Variants in KCNIP4 observed in about 807,000 individuals in gnomAD.
KCNIP4 encodes potassium voltage-gated channel interacting protein 4, also known as Kv channel-interacting protein 4.
KCNIP4 carries 12 observed loss-of-function variants against 34.0 expected under a neutral mutation model. That is an observed-to-expected ratio of 0.35 (90% confidence interval 0.23 to 0.57). KCNIP4 has a LOEUF of 0.57. KCNIP4 is among the 20% of genes least tolerant of loss of function. KCNIP4 has a pLI of 0.83. For missense variants in KCNIP4, 238 were observed against 311.7 expected (o/e 0.76, Z 1.78); for synonymous variants, 124 against 102.2 (o/e 1.21, Z -1.29).
intron 3 of KCNIP4, among the ~76,000 whole-genome samples, chr4:20,834,548 T>C (rs886512874): frequency 6.6e-6 from 1 of 152,074 alleles, no homozygotes; most frequent in South Asian, 2.1e-4. Context: ...TAAGATGACA[T>C]TGGAAGCATG....
intron 3 of KCNIP4, among the ~76,000 whole-genome samples, chr4:20,789,377 C>CA (rs1712433770): frequency 6.6e-6 from 1 of 151,846 alleles, no homozygotes; most frequent in Admixed American, 6.6e-5. Flanking sequence ...GCTTCACAGA[C>CA]AAAAAAAGAA....
chr4:21,528,751 GAAAGAAAGAAAGAAAGA>G (rs1736303270), intron 1 of KCNIP4, among the ~76,000 whole-genome samples: 1 of 8,650 alleles, frequency 1.2e-4, no homozygotes, highest in Non-Finnish European at 2.1e-4. Context: ...AAGAAAGAAA[GAAAGAAAGAAAGAAAGA>G]AAGAAAGAAA....
intron 1 of KCNIP4, among the ~76,000 whole-genome samples, chr4:20,961,573 A>C (rs1465310282): frequency 6.6e-6 from 1 of 152,222 alleles, no homozygotes. Flanking sequence ...TAGATAACTC[A>C]ATTTCCATTA....
intron 1 of KCNIP4, among the ~76,000 whole-genome samples, chr4:21,320,132 A>G (rs770608284): frequency 2.9e-4 from 44 of 152,356 alleles, no homozygotes; most frequent in South Asian, 2.1e-4. Flanking sequence ...TTGTGATCTG[A>G]AACAGATTAC....
intron 1 of KCNIP4, among the ~76,000 whole-genome samples, chr4:21,107,930 C>A (rs1383151313): frequency 6.6e-6 from 1 of 151,436 alleles, no homozygotes; most frequent in African/African-American, 2.5e-5. Context: ...TATTGCCCCC[C>A]ACTCTCTTCT....
intron 1 of KCNIP4, among the ~76,000 whole-genome samples, chr4:20,906,055 C>G (rs991365626): frequency 7.1e-6 from 1 of 141,316 alleles, no homozygotes; most frequent in Non-Finnish European, 1.5e-5. Context: ...TTCTCTTCCT[C>G]CCTCCCTCCC....
chr4:21,678,305 A>ATTTTTTTTTTTTTTTTT (rs59561334), intron 1 of KCNIP4, among the ~76,000 whole-genome samples: 77 of 117,560 alleles, frequency 6.5e-4, no homozygotes, highest in Non-Finnish European at 1.1e-3. Flanking sequence ...TCTTCTTTTG[A>ATTTTTTTTTTTTTTTTT]TTTTTTTTTT....
rs1388176366 is a variant in KCNIP4 at position 21,783,734 on chromosome 4, A to C, written c.61+164837T>G. 2.6e-5 allele frequency among the ~76,000 whole-genome samples: 4 copies of C among 152,206 alleles called. No individual in the cohort carries two copies. In the East Asian group the frequency reaches 7.7e-4, roughly 29 times the overall value. On this transcript the variant is annotated intron_variant, in intron 1 of 8. Coordinates refer to ENST00000382152, the MANE Select transcript of KCNIP4 (RefSeq NM_025221.6). ...TTACCTAAAACAATCACATAATAGA[A>C]AGATGAGAATATTATAAATGTACAT...
chr4:21,372,997 T>C (rs1359027286), intron 1 of KCNIP4, among the ~76,000 whole-genome samples: 1 of 145,806 alleles, frequency 6.9e-6, no homozygotes, highest in Admixed American at 6.7e-5. Flanking sequence ...GCCTACTAGA[T>C]TATTGGGCAG....
chr4:21,327,137 C>T (rs186866977), intron 1 of KCNIP4, among the ~76,000 whole-genome samples: 145 of 152,132 alleles, frequency 9.5e-4, no homozygotes, highest in Middle Eastern at 3.4e-3. Context: ...TGTGTGCTTA[C>T]TATTACCAGT....
intron 3 of KCNIP4, among the ~76,000 whole-genome samples, chr4:20,778,555 G>T (rs140223605): frequency 6.6e-5 from 10 of 152,256 alleles, no homozygotes; most frequent in African/African-American, 2.2e-4. Flanking sequence ...ATATTGTACT[G>T]CAGCTTTACA....
At chr4:21,947,085 T>C (rs776508812) in intron 1 of KCNIP4, among the ~76,000 whole-genome samples, 14 of 152,148 alleles carry the variant, frequency 9.2e-5, no homozygotes, top group Admixed American at 7.8e-4. Context: ...TGCTCCAGCC[T>C]TGAGTTCCCT....
chr4:20,894,891 CAAT>C (rs1167752608), intron 1 of KCNIP4, among the ~76,000 whole-genome samples: 1 of 152,138 alleles, frequency 6.6e-6, no homozygotes, highest in Non-Finnish European at 1.5e-5. Flanking sequence ...GCTCTAACAA[CAAT>C]AAGAACAAAG....
At chr4:21,765,621 C>A (rs1174313119) in intron 1 of KCNIP4, among the ~76,000 whole-genome samples, 1 of 151,522 alleles carries the variant, frequency 6.6e-6, no homozygotes, top group Non-Finnish European at 1.5e-5. Context: ...TCTTCTTTTT[C>A]TTTTCTTTTT....
chr4:20,836,718 T>C (rs1310050150), intron 3 of KCNIP4, among the ~76,000 whole-genome samples: 1 of 152,186 alleles, frequency 6.6e-6, no homozygotes, highest in Non-Finnish European at 1.5e-5. Flanking sequence ...TAGATGTTAA[T>C]CACATCTACA....
chr4:21,108,163 G>A (rs1211768515), intron 1 of KCNIP4, among the ~76,000 whole-genome samples: 1 of 151,366 alleles, frequency 6.6e-6, no homozygotes, highest in Non-Finnish European at 1.5e-5. Flanking sequence ...GCTAGATTTG[G>A]GAAGTTCTCC....
At chr4:21,662,355 A>G (rs1308898547) in intron 1 of KCNIP4, among the ~76,000 whole-genome samples, 1 of 152,238 alleles carries the variant, frequency 6.6e-6, no homozygotes, top group Non-Finnish European at 1.5e-5. Flanking sequence ...ACAGTTTACA[A>G]TCTGAATGCA....
chr4:21,911,801 G>A (rs1026202411), intron 1 of KCNIP4, among the ~76,000 whole-genome samples: 4 of 151,952 alleles, frequency 2.6e-5, no homozygotes, highest in Non-Finnish European at 5.9e-5. Context: ...CAGCCCTCCA[G>A]TCTTCATCAG....
At chr4:21,575,770 CAG>C (rs2109060742) in intron 1 of KCNIP4, among the ~76,000 whole-genome samples, 1 of 152,300 alleles carries the variant, frequency 6.6e-6, no homozygotes, top group South Asian at 2.1e-4. Context: ...AATAGGTAGA[CAG>C]ATGCTGCTTT....
Sources: allele counts gnomAD v4.1 joint callset (sites outside exome capture counted in the v4.1 genomes callset), GRCh38; gene constraint gnomAD v4.1.1; transcripts MANE v1.5; gene names NCBI Gene and HGNC (gene_info 2026-07-23, HGNC 2026-07-21).